Variants in FAM53A observed in about 807,000 individuals in gnomAD.
The protein encoded by FAM53A is protein FAM53A.
Under a neutral mutation model 26.6 loss-of-function variants are expected in FAM53A, and 28 were observed. The observed-to-expected ratio is 1.05, with a 90% confidence interval of 0.78 to 1.45. The LOEUF (loss-of-function observed/expected upper bound fraction) is 1.45, where lower values mean the gene tolerates loss of function less well. FAM53A is among the 40% of genes most tolerant of loss of function. FAM53A has a pLI of 0.00. For missense variants in FAM53A, 650 were observed against 575.8 expected (o/e 1.13, Z -1.32); for synonymous variants, 290 against 253.1 (o/e 1.15, Z -1.38).
At chr4:1,673,657 G>A (rs1258230907) in intron 1 of FAM53A, among the ~76,000 whole-genome samples, 2 of 152,138 alleles carry the variant, frequency 1.3e-5, no homozygotes, top group East Asian at 1.9e-4. Context: ...CACTTGAACC[G>A]GGTGGGGCAG....
intron 2 of FAM53A, among the ~76,000 whole-genome samples, chr4:1,667,170 G>A (rs552564504): frequency 2.4e-4 from 37 of 152,076 alleles, no homozygotes; most frequent in African/African-American, 8.2e-4. Context: ...GTGGTGGCGT[G>A]TGCCTGTAAC....
At chr4:1,658,258 G>T (rs937550607) in intron 2 of FAM53A, among the ~76,000 whole-genome samples, 4 of 151,714 alleles carry the variant, frequency 2.6e-5, no homozygotes, top group African/African-American at 2.4e-5. Flanking sequence ...TTCACCTCGT[G>T]ATCTTCCCGC....
chr4:1,575,594 A>G, the FAM53A span, among the ~76,000 whole-genome samples: 1 of 152,064 alleles, frequency 6.6e-6, no homozygotes, highest in Non-Finnish European at 1.5e-5. Flanking sequence ...GCCTTGCCCG[A>G]AGCTGAGTAC....
At chr4:1,600,873 G>C in the FAM53A span, among the ~76,000 whole-genome samples, 1 of 152,186 alleles carries the variant, frequency 6.6e-6, no homozygotes, top group East Asian at 1.9e-4. Context: ...TCCTCTGCGG[G>C]GCAAGTGCGG....
intron 1 of FAM53A, among the ~76,000 whole-genome samples, chr4:1,622,303 G>A (rs1405098693): frequency 6.6e-6 from 1 of 152,144 alleles, no homozygotes; most frequent in Non-Finnish European, 1.5e-5. Context: ...TGACGACAGG[G>A]GCAGAACAAA....
the FAM53A span, among the ~76,000 whole-genome samples, chr4:1,590,380 A>G: frequency 6.6e-6 from 1 of 152,146 alleles, no homozygotes; most frequent in African/African-American, 2.4e-5. Flanking sequence ...GGACAAGCTG[A>G]TAAGAAAGCC....
At position 1,675,896 on chromosome 4, in the gene FAM53A, C is replaced by A. The variant is rs568302291; in HGVS notation, c.-164-6991G>T. ...ACCCAGAGCTGGAGCTCCACGGGGG[C>A]AGCAGGGACGAGCCCCCACCACAGG... On this transcript the variant is annotated intron_variant, in intron 1 of 4. Transcript: ENST00000308132. Among the ~76,000 whole-genome samples the A allele has an allele frequency of 5.3e-5, 8 of 152,338 alleles. No homozygotes were observed. The South Asian group carries it at 1.4e-3, about 28-fold the overall frequency.
chr4:1,646,445 C>T (rs533052153), intron 4 of FAM53A, among the ~76,000 whole-genome samples: 2 of 152,258 alleles, frequency 1.3e-5, no homozygotes, highest in South Asian at 2.1e-4. Flanking sequence ...GTGACGTCGT[C>T]GGGGGTATTT....
chr4:1,676,227 G>C (rs944622187), intron 1 of FAM53A, among the ~76,000 whole-genome samples: 1 of 152,154 alleles, frequency 6.6e-6, no homozygotes, highest in East Asian at 1.9e-4. Context: ...CCCTCTGAAG[G>C]CTCTGGGGAG....
At chr4:1,586,501 C>T in the FAM53A span, among the ~76,000 whole-genome samples, 4 of 151,894 alleles carry the variant, frequency 2.6e-5, no homozygotes, top group Non-Finnish European at 5.9e-5. Context: ...TGAGGCCAGG[C>T]GCGGTGGCTC....
rs560058720 is a variant in FAM53A at position 1,657,975 on chromosome 4, T to A, written c.76-507A>T. 1.3e-3 allele frequency among the ~76,000 whole-genome samples: 195 copies of A among 150,744 alleles called. 1 individual carries two copies. Among genetic ancestry groups the A allele is most frequent in the Middle Eastern group, 3.5e-3 (1 of 282 alleles). The stretch of plus-strand genomic sequence containing the variant: ...TTTTTAAATTTTTTAAAAAATTTTT[T>A]CTGTTTTTAAAAGAGCTGTTAACAC... On this transcript the variant is annotated intron_variant, in intron 2 of 4. Transcript: ENST00000308132.
rs569603302 is a variant in FAM53A at position 1,675,312 on chromosome 4, C to T, written c.-164-6407G>A. ...GACATACCACCTGAGCTCCGGGAAG[C>T]ACAGCCGGCATCAGGCATCCCTTGC... On this transcript the variant is annotated intron_variant, in intron 1 of 4. Transcript: ENST00000308132. 8.9e-4 allele frequency among the ~76,000 whole-genome samples: 135 copies of T among 152,242 alleles called. No homozygotes were observed. In the South Asian group the frequency reaches 0.026, roughly 30 times the overall value.
At chr4:1,638,062 A>T (rs926952477), downstream of FAM53A, among the ~76,000 whole-genome samples, 3 of 151,870 alleles carry the variant, frequency 2.0e-5, no homozygotes, top group African/African-American at 7.3e-5. Context: ...CTGCAGCTTC[A>T]GCAGCAGCCT....
chr4:1,679,333 C>T (rs1206811078), intron 1 of FAM53A, among the ~76,000 whole-genome samples: 1 of 145,932 alleles, frequency 6.9e-6, no homozygotes, highest in Non-Finnish European at 1.5e-5. Flanking sequence ...TTGCAGTGAG[C>T]CAAGATCATG....
At chr4:1,676,743 G>C (rs866778276) in intron 1 of FAM53A, among the ~76,000 whole-genome samples, 1 of 152,100 alleles carries the variant, frequency 6.6e-6, no homozygotes, top group African/African-American at 2.4e-5. Flanking sequence ...TTGAAGGCAC[G>C]TCACGGTGTA....
At chr4:1,681,964 G>C (rs1263697273) in intron 1 of FAM53A, among the ~76,000 whole-genome samples, 1 of 152,138 alleles carries the variant, frequency 6.6e-6, no homozygotes, top group Non-Finnish European at 1.5e-5. Context: ...CAAAGCCCCG[G>C]GTTCAGACAC....
At chr4:1,606,453 C>A in the FAM53A span, among the ~76,000 whole-genome samples, 1 of 152,200 alleles carries the variant, frequency 6.6e-6, no homozygotes, top group East Asian at 1.9e-4. Flanking sequence ...CTAAGATAGC[C>A]GAGACCCGAT....
chr4:1,650,009 AGGC>A (rs1712618621), intron 4 of FAM53A, among the ~76,000 whole-genome samples: 1 of 90,020 alleles, frequency 1.1e-5, no homozygotes, highest in African/African-American at 5.0e-5. Flanking sequence ...GAGGTGGCAC[AGGC>A]GTGGCGTTTG....
intron 1 of FAM53A, among the ~76,000 whole-genome samples, chr4:1,629,362 AC>A (rs1460944222): frequency 6.6e-6 from 1 of 152,070 alleles, no homozygotes; most frequent in Non-Finnish European, 1.5e-5. Flanking sequence ...AGGCCAGACC[AC>A]CCGGCAGCTG....
Sources: allele counts gnomAD v4.1 joint callset (sites outside exome capture counted in the v4.1 genomes callset), GRCh38; gene constraint gnomAD v4.1.1; transcripts MANE v1.5; gene names NCBI Gene and HGNC (gene_info 2026-07-23, HGNC 2026-07-21).